Variants in INPP4B observed in about 807,000 individuals in gnomAD.
INPP4B encodes inositol polyphosphate-4-phosphatase type II B.
In INPP4B, 55 loss-of-function variants were observed where a neutral mutation model predicts 122.5. The ratio of observed to expected loss-of-function variants is 0.45; its 90% confidence interval spans 0.36 to 0.56. The LOEUF (loss-of-function observed/expected upper bound fraction) is 0.56, where lower values mean the gene tolerates loss of function less well. Among genes scored for constraint, INPP4B ranks in the 20% least tolerant of loss-of-function variants. The probability of loss-of-function intolerance (pLI) is 0.00; values close to 1 mark genes in which losing one functional copy is unlikely to be tolerated. For synonymous variants in INPP4B, 403 were observed against 388.7 expected, an observed-to-expected ratio of 1.04 and a Z score of -0.43; for missense variants, 1,000 against 1,097.7, an observed-to-expected ratio of 0.91 and a Z score of 1.26.
chr4:142,731,787 A>T (rs1480969263), intron 1 of INPP4B, among the ~76,000 whole-genome samples: 1 of 152,078 alleles, frequency 6.6e-6, no homozygotes, highest in Admixed American at 6.6e-5. Context: ...AAAAAAAAAC[A>T]TCATCCAACA....
chr4:142,614,178 A>C (rs995276190), intron 2 of INPP4B, among the ~76,000 whole-genome samples: 22 of 152,162 alleles, frequency 1.4e-4, no homozygotes, highest in African/African-American at 4.3e-4. Context: ...GGCGAAGGCC[A>C]CTGCACTCCA....
chr4:142,296,143 T>C (rs909640214), intron 9 of INPP4B, among the ~76,000 whole-genome samples: 1 of 152,188 alleles, frequency 6.6e-6, no homozygotes, highest in South Asian at 2.1e-4. Context: ...TGTACTCTGG[T>C]TTGTGTTGTC....
At chr4:142,658,636 C>T (rs1161187661) in intron 2 of INPP4B, among the ~76,000 whole-genome samples, 1 of 152,186 alleles carries the variant, frequency 6.6e-6, no homozygotes, top group African/African-American at 2.4e-5. Flanking sequence ...AATAAGAATC[C>T]ATTTTTCTTT....
intron 7 of INPP4B, among the ~76,000 whole-genome samples, chr4:142,394,503 T>C (rs1277676456): frequency 2.6e-5 from 4 of 152,180 alleles, no homozygotes; most frequent in Non-Finnish European, 5.9e-5. Context: ...TTTTTGACAA[T>C]AGCCATTCTA....
At chr4:142,122,930 C>T (rs1184360381) in intron 20 of INPP4B, among the ~76,000 whole-genome samples, 2 of 151,962 alleles carry the variant, frequency 1.3e-5, no homozygotes, top group South Asian at 2.1e-4. Context: ...GGACTAGACA[C>T]ATTTCAATTA....
At chr4:142,374,503 G>A (rs550849413) in intron 7 of INPP4B, among the ~76,000 whole-genome samples, 8 of 151,962 alleles carry the variant, frequency 5.3e-5, no homozygotes, top group Admixed American at 3.3e-4. Flanking sequence ...GATGGTATGG[G>A]AAACAGCATA....
intron 15 of INPP4B, among the ~76,000 whole-genome samples, chr4:142,176,070 C>T (rs1426806199): frequency 2.0e-5 from 3 of 151,278 alleles, no homozygotes; most frequent in African/African-American, 7.3e-5. Context: ...CTAGAATGCT[C>T]ATGGCCTTGT....
intron 25 of INPP4B, chr4:142,030,104 A>T: frequency 6.7e-7 from 1 of 1,492,440 alleles, no homozygotes; most frequent in Middle Eastern, 1.7e-4. Flanking sequence ...TTTGTAGAAA[A>T]GAAAAAGGAA....
At chr4:142,460,269 C>T (rs1816425566) in intron 3 of INPP4B, among the ~76,000 whole-genome samples, 1 of 152,138 alleles carries the variant, frequency 6.6e-6, no homozygotes, top group Admixed American at 6.5e-5. Flanking sequence ...GGATTTAACC[C>T]AGGCTTCAAA....
rs1306706073 is a variant in INPP4B at position 142,026,235 on chromosome 4, G to A, written c.*2547C>T. On this transcript the variant is annotated 3_prime_UTR_variant, in exon 26 of 26. Coordinates refer to ENST00000262992, the MANE Select transcript of INPP4B (RefSeq NM_001101669.3). The stretch of plus-strand genomic sequence containing the variant: ...ACTTTAACATTTGCTCTTTGATTTA[G>A]CCTTAATAACTTAAGAAATAGTGAA... 1 of 152,132 alleles carries A rather than the reference G, an allele frequency of 6.6e-6. No homozygotes were observed. Among genetic ancestry groups the A allele is most frequent in the African/African-American group, 2.4e-5 (1 of 41,446 alleles). The allele number at this position is 152,132 out of a possible 1,614,324, so 9.4% of individuals were successfully genotyped here. A position where few individuals can be genotyped will look rare whatever the true frequency, so the allele number is the denominator to read the frequency against.
chr4:142,129,437 A>C (rs1391850642), intron 18 of INPP4B, among the ~76,000 whole-genome samples: 1 of 152,226 alleles, frequency 6.6e-6, no homozygotes, highest in East Asian at 1.9e-4. Flanking sequence ...GAACATTAAT[A>C]ATGTGAAGGG....
At chr4:142,166,541 G>C (rs1822815411) in intron 16 of INPP4B, among the ~76,000 whole-genome samples, 1 of 151,644 alleles carries the variant, frequency 6.6e-6, no homozygotes, top group Non-Finnish European at 1.5e-5. Context: ...CTAACAAATG[G>C]GATCTAATTA....
intron 25 of INPP4B, among the ~76,000 whole-genome samples, chr4:142,036,662 T>A (rs749943698): frequency 6.6e-5 from 10 of 152,132 alleles, no homozygotes; most frequent in African/African-American, 9.7e-5. Flanking sequence ...AATTAAAAGG[T>A]TTTTGTTTTT....
In INPP4B at chr4:142,706,488, G is replaced by T. The variant is rs1762488795; in HGVS notation, c.-191+19351C>A. ...CTGTCCTTTGTCTAGTCTGGCTAGG[G>T]GTATGTATTTGCTTATCCATCTGTT... On this transcript the variant is annotated intron_variant, in intron 2 of 25. Coordinates refer to ENST00000262992, the MANE Select transcript of INPP4B (RefSeq NM_001101669.3). Among the ~76,000 whole-genome samples, 7 of 152,242 alleles carry T rather than the reference G, an allele frequency of 4.6e-5. 1 individual carries two copies. In the South Asian group the frequency reaches 1.0e-3, roughly 23 times the overall value.
chr4:142,192,260 T>C (rs1472897320), intron 15 of INPP4B, among the ~76,000 whole-genome samples: 1 of 138,920 alleles, frequency 7.2e-6, no homozygotes, highest in Non-Finnish European at 1.5e-5. Flanking sequence ...CAAATCCCTG[T>C]AACATGCAAT....
chr4:142,279,775 T>C (rs1007360066), intron 9 of INPP4B, among the ~76,000 whole-genome samples: 2 of 151,924 alleles, frequency 1.3e-5, no homozygotes, highest in African/African-American at 4.8e-5. Flanking sequence ...GCAAATTTGC[T>C]CTGTCAAAGA....
chr4:142,239,254 G>A (rs1279691784), intron 11 of INPP4B, among the ~76,000 whole-genome samples: 1 of 151,908 alleles, frequency 6.6e-6, no homozygotes, highest in Non-Finnish European at 1.5e-5. Context: ...TTTTGATTTC[G>A]AACATCCCAT....
intron 7 of INPP4B, among the ~76,000 whole-genome samples, chr4:142,357,418 C>T (rs968358584): frequency 3.3e-5 from 5 of 151,974 alleles, no homozygotes; most frequent in African/African-American, 1.2e-4. Context: ...GGAAAACCCA[C>T]ACATCTGGTC....
At chr4:142,796,538 A>G (rs1282506956) in intron 1 of INPP4B, among the ~76,000 whole-genome samples, 1 of 151,950 alleles carries the variant, frequency 6.6e-6, no homozygotes, top group Non-Finnish European at 1.5e-5. Flanking sequence ...GAGAAGAGGT[A>G]AAAAAGTCTG....
Sources: allele counts gnomAD v4.1 joint callset (sites outside exome capture counted in the v4.1 genomes callset), GRCh38; gene constraint gnomAD v4.1.1; transcripts MANE v1.5; gene names NCBI Gene and HGNC (gene_info 2026-07-23, HGNC 2026-07-21).